MICAL2: variants seen among roughly 807,000 people sequenced by gnomAD.
MICAL2 encodes the protein [F-actin]-monooxygenase MICAL2.
A neutral mutation model predicts 127.3 loss-of-function variants in MICAL2; 77 were observed. The ratio of observed to expected loss-of-function variants is 0.60; its 90% CI spans 0.50 to 0.73. MICAL2 has a LOEUF of 0.73. MICAL2 is among the 30% of genes least tolerant of loss of function. The pLI is 0.00. For missense variants in MICAL2, 1,351 were observed against 1,434.4 expected (o/e 0.94, Z 0.94); for synonymous variants, 570 against 551.1 (o/e 1.03, Z -0.48).
At chr11:12,175,779 G>A (rs996343961) in intron 3 of MICAL2, among the ~76,000 whole-genome samples, 1 of 152,164 alleles carries the variant, frequency 6.6e-6, no homozygotes, top group Non-Finnish European at 1.5e-5. Flanking sequence ...GTGAATGCTA[G>A]GCAAAGGAGC....
At chr11:12,223,590 TG>T (rs1354307989) in intron 12 of MICAL2, 89 bp downstream of exon 12, 2 of 1,175,248 alleles carry the variant, frequency 1.7e-6, no homozygotes, top group African/African-American at 3.0e-5. Context: ...ACACAGGCAC[TG>T]CAACCAGCCT....
chr11:12,239,306 C>T, intron 16 of MICAL2, 130 bp from the exon 17 acceptor site: 2 of 1,273,948 alleles, frequency 1.6e-6, no homozygotes, highest in Non-Finnish European at 2.3e-6. Flanking sequence ...GCTGCCTCTG[C>T]CTCCCTTCCT....
intron 24 of MICAL2, among the ~76,000 whole-genome samples, chr11:12,257,887 G>A (rs1862540108): frequency 6.6e-6 from 1 of 152,122 alleles, no homozygotes; most frequent in Non-Finnish European, 1.5e-5. Flanking sequence ...TTCCCAGTGC[G>A]TGCCCCGTCT....
intron 18 of MICAL2, 107 bp from the exon 19 acceptor site, chr11:12,242,107 G>T: frequency 1.2e-5 from 11 of 898,618 alleles, no homozygotes; most frequent in Non-Finnish European, 1.8e-5. Flanking sequence ...ACTTAGGGTT[G>T]CACCTGGTGC....
downstream of MICAL2, among the ~76,000 whole-genome samples, chr11:12,361,423 A>G (rs1269146209): frequency 6.6e-6 from 1 of 152,238 alleles, no homozygotes; most frequent in East Asian, 1.9e-4. Context: ...ATCCCCAAAT[A>G]CAAAGATGAA....
At chr11:12,327,369 A>C in intron 32 of MICAL2, 1 of 918,702 alleles carries the variant, frequency 1.1e-6, no homozygotes, top group East Asian at 2.6e-5. Flanking sequence ...GAGATCTGTC[A>C]GCATGGACAT....
chr11:12,287,933 A>G (rs112585576), downstream of MICAL2, among the ~76,000 whole-genome samples: 1,617 of 152,214 alleles, frequency 0.011, 17 homozygotes, highest in African/African-American at 0.037. Flanking sequence ...GCCTCACCCT[A>G]GGAGAGGAGG....
intron 8 of MICAL2, among the ~76,000 whole-genome samples, chr11:12,219,122 G>A (rs1423325634): frequency 6.6e-6 from 1 of 152,172 alleles, no homozygotes; most frequent in East Asian, 1.9e-4. Context: ...GGTGGACTTT[G>A]ACCCGTTGCT....
At chr11:12,319,473 A>T (rs1864267395) in intron 29 of MICAL2, among the ~76,000 whole-genome samples, 1 of 150,288 alleles carries the variant, frequency 6.7e-6, no homozygotes, top group South Asian at 2.1e-4. Flanking sequence ...GTGAAAAGAG[A>T]GCTGCAAAGC....
intron 1 of MICAL2, among the ~76,000 whole-genome samples, chr11:12,126,202 G>A (rs1004697428): frequency 2.0e-5 from 3 of 152,210 alleles, no homozygotes; most frequent in Admixed American, 6.5e-5. Flanking sequence ...TGCTCAAAGC[G>A]TGCACCTGAG....
At chr11:12,238,620 G>C (rs1415045031) in intron 16 of MICAL2, among the ~76,000 whole-genome samples, 1 of 151,990 alleles carries the variant, frequency 6.6e-6, no homozygotes, top group African/African-American at 2.4e-5. Context: ...AGGAAACCAA[G>C]GAGACAGGGT....
chr11:12,311,081 G>C (rs1162095128), intron 29 of MICAL2, among the ~76,000 whole-genome samples: 3 of 152,076 alleles, frequency 2.0e-5, no homozygotes, highest in Non-Finnish European at 4.4e-5. Flanking sequence ...AAGGGTTTTT[G>C]TGTGGAGTCT....
intron 29 of MICAL2, among the ~76,000 whole-genome samples, chr11:12,313,317 G>A (rs1444230002): frequency 6.6e-6 from 1 of 152,080 alleles, no homozygotes; most frequent in African/African-American, 2.4e-5. Flanking sequence ...GGTTCTGGTT[G>A]TTATGACCTG....
intron 2 of MICAL2, among the ~76,000 whole-genome samples, chr11:12,150,950 G>A (rs1170160066): frequency 1.3e-5 from 2 of 152,126 alleles, no homozygotes; most frequent in Non-Finnish European, 2.9e-5. Context: ...GGGAACTGAC[G>A]CTTATTGAGC....
At chr11:12,186,423 GCAT>G (rs897929448) in intron 3 of MICAL2, among the ~76,000 whole-genome samples, 5 of 152,146 alleles carry the variant, frequency 3.3e-5, no homozygotes, top group African/African-American at 9.7e-5. Flanking sequence ...TTTGTAAAAG[GCAT>G]CATAATTTAC....
At chr11:12,148,986 G>A (rs1853272309) in intron 2 of MICAL2, among the ~76,000 whole-genome samples, 1 of 152,198 alleles carries the variant, frequency 6.6e-6, no homozygotes, top group Non-Finnish European at 1.5e-5. Flanking sequence ...AACTCCTCCA[G>A]GCTCACACAC....
At chr11:12,155,546 A>C (rs1199347446) in intron 2 of MICAL2, among the ~76,000 whole-genome samples, 1 of 152,204 alleles carries the variant, frequency 6.6e-6, no homozygotes, top group Non-Finnish European at 1.5e-5. Flanking sequence ...ACACATATGC[A>C]CACACATACA....
intron 15 of MICAL2, 79 bp from the exon 16 acceptor site, chr11:12,236,098 C>G (rs1565219148): frequency 8.0e-7 from 1 of 1,254,872 alleles, no homozygotes; most frequent in East Asian, 2.3e-5. Context: ...CAAAGCCAGC[C>G]CTATGCCCTC....
chr11:12,354,973 A>C, intron 34 of MICAL2: 2 of 944,608 alleles, frequency 2.1e-6, no homozygotes, highest in South Asian at 3.2e-5. Context: ...AAGTTAGAGG[A>C]AAGTACAAAG....
Sources: gnomAD v4.1 joint callset for allele counts (sites outside exome capture counted in the v4.1 genomes callset) on GRCh38, gnomAD v4.1.1 for gene constraint, MANE v1.5 for transcripts, NCBI Gene and HGNC (gene_info 2026-07-23, HGNC 2026-07-21) for gene names.